The following GLIS3 variants were observed in gnomAD, a reference collection of about 807,000 sequenced individuals.
GLIS3 encodes GLIS family zinc finger 3.
A neutral mutation model predicts 78.6 loss-of-function variants in GLIS3; 53 were observed. That is an observed-to-expected ratio of 0.67 (90% CI 0.54 to 0.85). GLIS3 has a LOEUF of 0.85. Ranked by LOEUF, GLIS3 falls within the 40% of genes least tolerant of loss-of-function variation. The probability of loss-of-function intolerance (pLI) is 0.00; values close to 1 mark genes in which losing one functional copy is unlikely to be tolerated. For synonymous variants in GLIS3, 684 were observed against 509.9 expected (o/e 1.34, Z -4.60); for missense variants, 1,703 against 1,231.1 (o/e 1.38, Z -5.74).
At chr9:4,417,490 G>C in the GLIS3 span, among the ~76,000 whole-genome samples, 92 of 152,160 alleles carry the variant, frequency 6.0e-4, no homozygotes, top group African/African-American at 2.2e-3. Context: ...CCATTATTTG[G>C]ATGTACCAAC....
the GLIS3 span, among the ~76,000 whole-genome samples, chr9:4,361,432 C>T: frequency 6.6e-6 from 1 of 152,234 alleles, no homozygotes; most frequent in Non-Finnish European, 1.5e-5. Flanking sequence ...GTTCCCTTTC[C>T]TGTGGAACCC....
intron 4 of GLIS3, among the ~76,000 whole-genome samples, chr9:3,994,381 G>C (rs1286947279): frequency 6.6e-6 from 1 of 152,164 alleles, no homozygotes; most frequent in African/African-American, 2.4e-5. Context: ...GCTGGCAAGA[G>C]AGGCTGCAGT....
chr9:3,833,617 A>T (rs1362624588), intron 9 of GLIS3, among the ~76,000 whole-genome samples: 1 of 152,226 alleles, frequency 6.6e-6, no homozygotes, highest in Non-Finnish European at 1.5e-5. Context: ...CTATTGCTGA[A>T]ACCAAAGAAA....
intron 2 of GLIS3, among the ~76,000 whole-genome samples, chr9:4,130,508 G>C (rs1832896468): frequency 6.6e-6 from 1 of 152,226 alleles, no homozygotes; most frequent in Non-Finnish European, 1.5e-5. Context: ...AGCAGCTCTA[G>C]CTCCAGTCTT....
At chr9:4,397,547 A>C in the GLIS3 span, among the ~76,000 whole-genome samples, 2 of 151,576 alleles carry the variant, frequency 1.3e-5, no homozygotes, top group African/African-American at 4.9e-5. Context: ...AAGGGACTTC[A>C]AGGCTAGTGT....
At chr9:4,010,622 G>C (rs1434012110) in intron 4 of GLIS3, among the ~76,000 whole-genome samples, 1 of 152,190 alleles carries the variant, frequency 6.6e-6, no homozygotes, top group African/African-American at 2.4e-5. Context: ...ACTTTCCCGT[G>C]AAAATCGCCT....
chr9:4,008,661 G>A (rs1821748532), intron 4 of GLIS3, among the ~76,000 whole-genome samples: 1 of 152,108 alleles, frequency 6.6e-6, no homozygotes, highest in African/African-American at 2.4e-5. Context: ...AACTCACAAA[G>A]TACATGCCCC....
chr9:4,315,735 T>TTAACC (rs2130535933), intron 2 of GLIS3, among the ~76,000 whole-genome samples: 1 of 152,300 alleles, frequency 6.6e-6, no homozygotes, highest in African/African-American at 2.4e-5. Flanking sequence ...GATACTGCTC[T>TTAACC]TAACCAAACC....
chr9:3,994,042 G>A (rs1013030888), intron 4 of GLIS3, among the ~76,000 whole-genome samples: 1 of 152,170 alleles, frequency 6.6e-6, no homozygotes, highest in Non-Finnish European at 1.5e-5. Context: ...CACCCTCAGA[G>A]TTTGCTGACT....
chr9:4,231,209 C>T (rs1056417542), intron 2 of GLIS3, among the ~76,000 whole-genome samples: 7 of 151,974 alleles, frequency 4.6e-5, no homozygotes, highest in South Asian at 2.1e-4. Context: ...AATTAAGAAT[C>T]TTAGAAAATA....
At chr9:4,193,773 A>C in intron 2 of GLIS3, among the ~76,000 whole-genome samples, 1 of 152,188 alleles carries the variant, frequency 6.6e-6, no homozygotes, top group Admixed American at 6.5e-5. Context: ...AGGCAAATGA[A>C]AATACGTTGA....
the GLIS3 span, among the ~76,000 whole-genome samples, chr9:4,489,346 C>G: frequency 6.6e-6 from 1 of 152,114 alleles, no homozygotes; most frequent in African/African-American, 2.4e-5. Flanking sequence ...CAATTTACAC[C>G]AAAGGGATGA....
At chr9:4,388,992 G>A in the GLIS3 span, among the ~76,000 whole-genome samples, 1 of 152,226 alleles carries the variant, frequency 6.6e-6, no homozygotes, top group East Asian at 1.9e-4. Context: ...AACAATTGCT[G>A]ATTTTAAGGG....
chr9:4,119,652 G>A (rs922742562), intron 3 of GLIS3, among the ~76,000 whole-genome samples: 2 of 152,124 alleles, frequency 1.3e-5, no homozygotes, highest in Non-Finnish European at 1.5e-5. Flanking sequence ...GTGAACTCTC[G>A]TCCTTAAATC....
At chr9:4,461,310 A>T in the GLIS3 span, among the ~76,000 whole-genome samples, 1 of 152,204 alleles carries the variant, frequency 6.6e-6, no homozygotes, top group Non-Finnish European at 1.5e-5. Flanking sequence ...TTTCTTTTTA[A>T]TATGAATCAT....
At chr9:4,348,928 T>C (rs1042086887), upstream of GLIS3, among the ~76,000 whole-genome samples, 1 of 152,222 alleles carries the variant, frequency 6.6e-6, no homozygotes, top group African/African-American at 2.4e-5. Flanking sequence ...TTCTTTATAG[T>C]TTTTCATTTT....
intron 2 of GLIS3, among the ~76,000 whole-genome samples, chr9:4,191,768 G>C (rs1443156220): frequency 1.3e-5 from 2 of 152,076 alleles, no homozygotes; most frequent in Non-Finnish European, 2.9e-5. Context: ...TTTAATCATT[G>C]GCTCTACTGG....
chr9:4,219,232 G>A (rs558602131), intron 2 of GLIS3, among the ~76,000 whole-genome samples: 11 of 152,272 alleles, frequency 7.2e-5, no homozygotes, highest in East Asian at 3.9e-4. Context: ...TGACATAAAC[G>A]AGACCTGACC....
the GLIS3 span, among the ~76,000 whole-genome samples, chr9:4,472,072 A>C: frequency 6.6e-6 from 1 of 152,254 alleles, no homozygotes; most frequent in African/African-American, 2.4e-5. Context: ...ATCTCACACC[A>C]GTTAGAATGG....
Sources: allele counts gnomAD v4.1 joint callset (sites outside exome capture counted in the v4.1 genomes callset), GRCh38; gene constraint gnomAD v4.1.1; transcripts MANE v1.5; gene names NCBI Gene and HGNC (gene_info 2026-07-23, HGNC 2026-07-21).